RGS6: variants seen among roughly 807,000 people sequenced by gnomAD.
RGS6 encodes the protein regulator of G-protein signaling 6.
In RGS6, 30 loss-of-function variants were observed where a neutral mutation model predicts 78.5. The observed-to-expected ratio is 0.38, with a 90% CI of 0.29 to 0.52. RGS6 has a LOEUF of 0.52. Ranked by LOEUF, RGS6 falls within the 20% of genes least tolerant of loss-of-function variation. The pLI is 0.85. For synonymous variants in RGS6, 206 were observed against 206.0 expected (o/e 1.00, Z 0.00); for missense variants, 495 against 609.7 (o/e 0.81, Z 1.98).
chr14:71,997,436 A>G (rs530427698), intron 2 of RGS6, among the ~76,000 whole-genome samples: 1 of 152,248 alleles, frequency 6.6e-6, no homozygotes, highest in Non-Finnish European at 1.5e-5. Context: ...TTCATAGCCT[A>G]GAAGGACATA....
chr14:72,294,720 G>T (rs1250599187), intron 2 of RGS6, among the ~76,000 whole-genome samples: 1 of 151,918 alleles, frequency 6.6e-6, no homozygotes, highest in Non-Finnish European at 1.5e-5. Flanking sequence ...GGAGAGAGGG[G>T]AGCTATCACA....
chr14:72,415,189 C>A (rs1014179561), intron 3 of RGS6, among the ~76,000 whole-genome samples: 1 of 152,254 alleles, frequency 6.6e-6, no homozygotes, highest in Non-Finnish European at 1.5e-5. Context: ...GGGTTCCACC[C>A]AGTTTGAGCT....
intron 2 of RGS6, among the ~76,000 whole-genome samples, chr14:72,227,426 C>G (rs2048381258): frequency 6.6e-6 from 1 of 152,106 alleles, no homozygotes; most frequent in Non-Finnish European, 1.5e-5. Context: ...GGAACATTTT[C>G]TTAATCTGGA....
rs539688529 is a variant in RGS6 at position 72,025,635 on chromosome 14, A to G, written c.84+60760A>G. ...GGCCAAGTCTGATCATCCTCTTTTT[A>G]TGGTCTGAATATCTTTGAGCCCTTC... On this transcript the variant is annotated intron_variant, in intron 2 of 17. Transcript: ENST00000553525. Among the ~76,000 whole-genome samples the G allele has an allele frequency of 1.4e-4, 22 of 152,168 alleles. No individual in the cohort carries two copies. In the South Asian group the frequency reaches 4.4e-3, roughly 30 times the overall value.
intron 2 of RGS6, among the ~76,000 whole-genome samples, chr14:72,041,795 G>A (rs1487085921): frequency 6.6e-6 from 1 of 152,116 alleles, no homozygotes; most frequent in African/African-American, 2.4e-5. Flanking sequence ...AGTCTGTGGG[G>A]GGTGGGCAGG....
intron 2 of RGS6, among the ~76,000 whole-genome samples, chr14:72,328,184 C>T (rs1478142294): frequency 2.0e-5 from 3 of 152,130 alleles, no homozygotes; most frequent in Non-Finnish European, 4.4e-5. Flanking sequence ...AGATGCTTGC[C>T]CACACCAGTG....
intron 1 of RGS6, among the ~76,000 whole-genome samples, chr14:71,958,965 G>A (rs1014386353): frequency 1.3e-5 from 2 of 152,142 alleles, no homozygotes; most frequent in East Asian, 1.9e-4. Flanking sequence ...AATTCTAATC[G>A]ATGTCCTAAA....
intron 2 of RGS6, among the ~76,000 whole-genome samples, chr14:72,265,387 G>T (rs951725817): frequency 2.0e-5 from 3 of 152,156 alleles, no homozygotes; most frequent in African/African-American, 7.2e-5. Flanking sequence ...TCAGACACAG[G>T]CCTGGGGGTT....
the RGS6 span, among the ~76,000 whole-genome samples, chr14:71,879,817 G>A: frequency 6.6e-6 from 1 of 152,212 alleles, no homozygotes; most frequent in Non-Finnish European, 1.5e-5. Context: ...CAGTCAATTG[G>A]TACTGGTAGA....
intron 17 of RGS6, among the ~76,000 whole-genome samples, chr14:72,553,930 C>T (rs1380385380): frequency 6.6e-6 from 1 of 152,214 alleles, no homozygotes; most frequent in African/African-American, 2.4e-5. Context: ...CTCAGCAGCA[C>T]GTGAAAAGAG....
chr14:72,461,881 AAT>A (rs2095791365), intron 6 of RGS6, among the ~76,000 whole-genome samples: 1 of 152,214 alleles, frequency 6.6e-6, no homozygotes, highest in Non-Finnish European at 1.5e-5. Context: ...TTAGAGTAGT[AAT>A]GGCACTTGTC....
At chr14:72,205,148 A>G (rs1340323198) in intron 2 of RGS6, among the ~76,000 whole-genome samples, 1 of 152,180 alleles carries the variant, frequency 6.6e-6, no homozygotes, top group Non-Finnish European at 1.5e-5. Flanking sequence ...AGGAAGGAGA[A>G]GCCTCCCCTG....
chr14:72,409,493 C>A (rs2093223516), intron 3 of RGS6, among the ~76,000 whole-genome samples: 1 of 151,132 alleles, frequency 6.6e-6, no homozygotes, highest in Non-Finnish European at 1.5e-5. Context: ...GGCTTAATGA[C>A]CTCCCAATTA....
intron 1 of RGS6, among the ~76,000 whole-genome samples, chr14:71,961,708 A>G (rs1304261763): frequency 6.6e-6 from 1 of 152,098 alleles, no homozygotes; most frequent in East Asian, 1.9e-4. Context: ...AATAATATTA[A>G]CATGCTTTCT....
At chr14:72,459,550 T>G in intron 5 of RGS6, 82 bp from the exon 6 acceptor site, 1 of 1,298,886 alleles carries the variant, frequency 7.7e-7, no homozygotes, top group South Asian at 1.2e-5. Flanking sequence ...GAGCCTGCCA[T>G]CAGGGAGGCT....
chr14:72,034,965 A>G (rs11621956), intron 2 of RGS6, among the ~76,000 whole-genome samples: 13,179 of 152,284 alleles, frequency 0.087, 621 homozygotes, highest in East Asian at 0.17. Context: ...TTTAAATTGC[A>G]TGTCATTCTG....
chr14:71,961,853 C>T (rs2093225161), intron 1 of RGS6, among the ~76,000 whole-genome samples: 1 of 152,106 alleles, frequency 6.6e-6, no homozygotes, highest in Non-Finnish European at 1.5e-5. Flanking sequence ...CTGTTTTTCT[C>T]TACCACTAAA....
At chr14:72,183,046 A>C (rs1422548891) in intron 2 of RGS6, among the ~76,000 whole-genome samples, 1 of 152,212 alleles carries the variant, frequency 6.6e-6, no homozygotes, top group Non-Finnish European at 1.5e-5. Context: ...ACATGAAAGT[A>C]GATGCTTATG....
intron 13 of RGS6, among the ~76,000 whole-genome samples, chr14:72,501,650 G>A (rs2096728312): frequency 6.6e-6 from 1 of 152,208 alleles, no homozygotes; most frequent in African/African-American, 2.4e-5. Context: ...CCAGGAGAGT[G>A]TCCCAGGGAT....
Sources: allele counts gnomAD v4.1 joint callset (sites outside exome capture counted in the v4.1 genomes callset), GRCh38; gene constraint gnomAD v4.1.1; transcripts MANE v1.5; gene names NCBI Gene and HGNC (gene_info 2026-07-23, HGNC 2026-07-21).